The following PXYLP1 variants were observed in gnomAD, a reference collection of about 807,000 sequenced individuals.
PXYLP1 encodes 2-phosphoxylose phosphatase 1.
In PXYLP1, 17 loss-of-function variants were observed where a neutral mutation model predicts 37.9. The observed-to-expected ratio is 0.45, with a 90% CI of 0.31 to 0.67. The LOEUF (loss-of-function observed/expected upper bound fraction) is 0.67. PXYLP1 is among the 30% of genes least tolerant of loss of function. The pLI is 0.07. For synonymous variants in PXYLP1, 221 were observed against 232.2 expected (o/e 0.95, Z 0.44); for missense variants, 511 against 612.0 (o/e 0.84, Z 1.74).
chr3:141,268,777 A>G (rs2148784026), intron 2 of PXYLP1, among the ~76,000 whole-genome samples: 1 of 152,312 alleles, frequency 6.6e-6, no homozygotes, highest in Admixed American at 6.5e-5. Context: ...CGGCTGTCAC[A>G]CACACTACAG....
chr3:141,235,779 A>T (rs980305706), intron 1 of PXYLP1, among the ~76,000 whole-genome samples: 1 of 152,254 alleles, frequency 6.6e-6, no homozygotes, highest in Non-Finnish European at 1.5e-5. Context: ...CCGTGAACCC[A>T]GAATGAATTT....
rs1465282495 is a variant in PXYLP1 at position 141,248,583 on chromosome 3, A to ATG, written c.-53-11539_-53-11538insGT. Among the ~76,000 whole-genome samples, 3 of 75,728 alleles carry ATG rather than the reference A, an allele frequency of 4.0e-5. 1 individual carries two copies. Among genetic ancestry groups the ATG allele is most frequent in the Non-Finnish European group, 7.2e-5 (3 of 41,582 alleles). 49.7% of individuals were successfully genotyped at this position (75,728 alleles called of 152,430 possible). A position where few individuals can be genotyped will look rare whatever the true frequency, so the allele number is the denominator to read the frequency against. ...CGTGTATATATATACACACATGTAT[A>ATG]TATACACACACGTGTATATATACAC... On this transcript the variant is annotated intron_variant, in intron 1 of 5. Transcript: ENST00000286353.
rs369345631 is a variant in PXYLP1 at position 141,260,128 on chromosome 3, G to A, written c.-48G>A. ...CACCTCTGCTTTATTCACAGGACATGTTCCCGATTTGAGGTGAAACCATGA... is the reference window on the plus strand; with the variant it reads ...CACCTCTGCTTTATTCACAGGACATATTCCCGATTTGAGGTGAAACCATGA... On this transcript the variant is annotated 5_prime_UTR_variant, in exon 2 of 6. The change abolishes an upstream ATG in the 5' untranslated region. Transcript: ENST00000286353. 2.5e-6 allele frequency: 4 copies of A among 1,607,790 alleles called. No homozygotes were observed. The African/African-American group carries it at 4.0e-5, about 16-fold the overall frequency.
intron 1 of PXYLP1, among the ~76,000 whole-genome samples, chr3:141,232,721 C>T (rs1940556227): frequency 2.0e-5 from 3 of 152,340 alleles, no homozygotes; most frequent in Admixed American, 6.5e-5. Flanking sequence ...AGGTTGCCTG[C>T]TTTGCAGCCG....
At chr3:141,253,861 A>AATAT (rs5853028) in intron 1 of PXYLP1, among the ~76,000 whole-genome samples, 1 of 146,312 alleles carries the variant, frequency 6.8e-6, no homozygotes, top group South Asian at 2.1e-4. Flanking sequence ...ATATATATCT[A>AATAT]ATATATATTA....
rs199786824 is a variant in PXYLP1 at position 141,279,357 on chromosome 3, C to T, written c.239-21C>T. The T allele has an allele frequency of 1.9e-4, 307 of 1,613,822 alleles. No homozygotes were observed. In the Admixed American group the frequency reaches 5.0e-3, roughly 26 times the overall value. ...TGACACCTATTGAGTGATAACCAGA[C>T]AATGTGCTTCTCTCGCGCAGGTCAT... is the stretch of plus-strand genomic sequence containing the variant. On this transcript the variant is annotated intron_variant, in intron 3 of 5. Transcript: ENST00000286353.
At chr3:141,241,435 G>C (rs1436549843) in intron 1 of PXYLP1, among the ~76,000 whole-genome samples, 1 of 152,066 alleles carries the variant, frequency 6.6e-6, no homozygotes, top group African/African-American at 2.4e-5. Context: ...TTGATGAGTA[G>C]AGTGGGAGGG....
rs189861330 is a variant in PXYLP1 at position 141,261,360 on chromosome 3, T to A, written c.79+1106T>A. On this transcript the variant is annotated intron_variant, in intron 2 of 5. Coordinates refer to ENST00000286353, the MANE Select transcript of PXYLP1 (RefSeq NM_001037172.3). ...ATAGCGACAGGGCAGGGTTTCACCATGTTGCCCAGACTGGTCTCAAACTCC... is the reference window on the plus strand; with the variant it reads ...ATAGCGACAGGGCAGGGTTTCACCAAGTTGCCCAGACTGGTCTCAAACTCC... Among the ~76,000 whole-genome samples the A allele has an allele frequency of 2.6e-5, 4 of 152,342 alleles. No individual in the cohort carries two copies. The East Asian group carries it at 7.7e-4, about 29-fold the overall frequency.
At chr3:141,270,673 A>T (rs1941639807) in intron 2 of PXYLP1, among the ~76,000 whole-genome samples, 1 of 152,218 alleles carries the variant, frequency 6.6e-6, no homozygotes, top group Non-Finnish European at 1.5e-5. Flanking sequence ...AGGAGACGCT[A>T]TCTCAGATAA....
In PXYLP1 at chr3:141,292,619, C is replaced by G. The variant is rs775649359; in HGVS notation, c.857C>G (p.Thr286Ser). The change falls in exon 6 of 6, where the codon ACC (threonine) becomes AGC (serine). Residue 286 changes from threonine (T) to serine (S), a missense_variant. Thr to Ser is a moderately conservative substitution (Grantham distance 58). Transcript: ENST00000286353. The surrounding 1 kb of genome is among the most constrained non-coding windows in gnomAD (Gnocchi z 4.3). Reference sequence around the variant, plus strand: ...ATGGCCAAGATCGTGGATGTCCCCACCAAGCAGCTTAGAGCTGCCAACCCC... The same window carrying G: ...ATGGCCAAGATCGTGGATGTCCCCAGCAAGCAGCTTAGAGCTGCCAACCCC... The part of the protein sequence containing the change: ...GEMAKIVDVP[T>S]KQLRAANPID... The G allele has an allele frequency of 2.5e-6, 4 of 1,613,820 alleles. No homozygotes were observed. Among genetic ancestry groups the G allele is most frequent in the Admixed American group, 1.7e-5 (1 of 60,002 alleles).
At chr3:141,245,552 G>T (rs1940916322) in intron 1 of PXYLP1, among the ~76,000 whole-genome samples, 1 of 152,132 alleles carries the variant, frequency 6.6e-6, no homozygotes, top group Non-Finnish European at 1.5e-5. Flanking sequence ...AGGGTTGCTG[G>T]CCTGTTGAGC....
chr3:141,284,680 G>A (rs1032825072), intron 4 of PXYLP1, among the ~76,000 whole-genome samples: 3 of 152,108 alleles, frequency 2.0e-5, no homozygotes, highest in Non-Finnish European at 2.9e-5. Context: ...TACTTATAAC[G>A]CCAAACACAA....
At chr3:141,270,153 A>C (rs1215896334) in intron 2 of PXYLP1, among the ~76,000 whole-genome samples, 2 of 152,256 alleles carry the variant, frequency 1.3e-5, no homozygotes, top group Admixed American at 6.5e-5. Context: ...GCACTTAATA[A>C]ATTCTTACCT....
chr3:141,276,323 G>A (rs1941794620), intron 2 of PXYLP1, among the ~76,000 whole-genome samples: 1 of 152,164 alleles, frequency 6.6e-6, no homozygotes, highest in Admixed American at 6.5e-5. Context: ...AACCACTGCT[G>A]TGTTATGATG....
At chr3:141,268,155 G>A (rs1941567265) in intron 2 of PXYLP1, among the ~76,000 whole-genome samples, 1 of 146,496 alleles carries the variant, frequency 6.8e-6, no homozygotes, top group South Asian at 2.2e-4. Flanking sequence ...ACCTTTATAT[G>A]CGGGTGGGTG....
intron 2 of PXYLP1, among the ~76,000 whole-genome samples, chr3:141,263,064 C>T (rs990525102): frequency 2.6e-5 from 4 of 152,086 alleles, no homozygotes; most frequent in Non-Finnish European, 5.9e-5. Flanking sequence ...CTTATTTGGT[C>T]TTATTGGTAG....
chr3:141,282,612 A>C (rs1941980655), intron 4 of PXYLP1, among the ~76,000 whole-genome samples: 3 of 152,154 alleles, frequency 2.0e-5, no homozygotes, highest in Non-Finnish European at 4.4e-5. Flanking sequence ...GCTGCATTCC[A>C]AGTGCTTAGG....
At chr3:141,250,118 A>G (rs58512828) in intron 1 of PXYLP1, among the ~76,000 whole-genome samples, 6,711 of 152,336 alleles carry the variant, frequency 0.044, 352 homozygotes, top group East Asian at 0.2. Context: ...TTAATGCTGC[A>G]TATTTTAAAA....
chr3:141,268,192 AGAGAGAGAGAGAGAGTGTGTGT>A (rs1476484111), intron 2 of PXYLP1, among the ~76,000 whole-genome samples: 4 of 98,510 alleles, frequency 4.1e-5, no homozygotes, highest in Admixed American at 3.5e-4. Flanking sequence ...AGAGAGAGAG[AGAGAGAGAGAGAGAGTGTGTGT>A]GTGTGTGTGT....
Sources: gnomAD v4.1 joint callset for allele counts (sites outside exome capture counted in the v4.1 genomes callset) on GRCh38, gnomAD v4.1.1 for gene constraint, Gnocchi (gnomAD v3.1) non-coding constraint, MANE v1.5 for transcripts, NCBI Gene and HGNC (gene_info 2026-07-23, HGNC 2026-07-21) for gene names.